FDXACB1: variants seen among roughly 807,000 people sequenced by gnomAD.
FDXACB1 encodes the protein ferredoxin-fold anticodon-binding domain-containing protein 1.
Under a neutral mutation model 51.7 loss-of-function variants are expected in FDXACB1, and 41 were observed. The observed-to-expected ratio is 0.79, with a 90% confidence interval of 0.62 to 1.03. The LOEUF (loss-of-function observed/expected upper bound fraction) is 1.03, where lower values mean the gene tolerates loss of function less well. FDXACB1 is among the 50% of genes least tolerant of loss of function. FDXACB1 has a pLI of 0.00. For missense variants in FDXACB1, 697 were observed against 746.4 expected (o/e 0.93, Z 0.77); for synonymous variants, 273 against 278.6 (o/e 0.98, Z 0.20).
In FDXACB1 at chr11:111,874,578, G is replaced by A. The variant is rs186364603; in HGVS notation, c.*344C>T. 515 of 179,396 alleles carry A rather than the reference G, an allele frequency of 2.9e-3. 5 individuals are homozygous for A. Among genetic ancestry groups the A allele is most frequent in the African/African-American group, 0.014 (461 of 33,692 alleles). 11.1% of individuals were successfully genotyped at this position (179,396 alleles called of 1,614,324 possible). On this transcript the variant is annotated 3_prime_UTR_variant, in exon 5 of 5. Transcript: ENST00000260257. ...ATCCTGGCTAACACGGTGAAACCTC[G>A]TCTCTACTAAAAATACAAAAAAAAA...
chr11:111,877,900 A>ACTGG (rs1964852431), intron 2 of FDXACB1, among the ~76,000 whole-genome samples: 1 of 150,010 alleles, frequency 6.7e-6, no homozygotes, highest in South Asian at 2.2e-4. Flanking sequence ...TAAAATAACA[A>ACTGG]CTGTTGGCCG....
At chr11:111,877,642 A>ACTGGGTACAGTCCC (rs1555162390) in intron 2 of FDXACB1, among the ~76,000 whole-genome samples, 2 of 149,238 alleles carry the variant, frequency 1.3e-5, no homozygotes, top group Non-Finnish European at 3.0e-5. Flanking sequence ...TCAGCCTCCC[A>ACTGGGTACAGTCCC]AGTACCTGGG....
chr11:111,874,779 A>AT lies in FDXACB1; in HGVS notation c.*142_*143insA. On this transcript the variant is annotated 3_prime_UTR_variant, in exon 5 of 5. Coordinates refer to ENST00000260257, the MANE Select transcript of FDXACB1 (RefSeq NM_138378.3). ...CCGTCTCAAAAAAAAAAAAAAAAAA[A>AT]GATCAACGAACAGTAGCTATGGTCA... 5 of 700,934 alleles carry AT rather than the reference A, an allele frequency of 7.1e-6. No homozygotes were observed. The highest frequency in any genetic ancestry group is 9.2e-6 in the Non-Finnish European group (4 of 436,836). The allele number at this position is 700,934 out of a possible 1,614,324, so 43.4% of individuals were successfully genotyped here.
intron 4 of FDXACB1, 73 bp from the exon 5 acceptor site, chr11:111,876,177 A>C (rs1380705628): frequency 8.2e-7 from 1 of 1,226,802 alleles, no homozygotes; most frequent in Non-Finnish European, 1.1e-6. Flanking sequence ...TAGAATTAAA[A>C]ATACAAATAG....
At position 111,877,026 on chromosome 11, in the gene FDXACB1, A is replaced by G; in HGVS notation, c.330-15T>C. Reference sequence around the variant, plus strand: ...CGTCTGCACAGCTAATAGGGAGAAAAGAAACACTAACTAATTATCATAAAC... The same window carrying G: ...CGTCTGCACAGCTAATAGGGAGAAAGGAAACACTAACTAATTATCATAAAC... On this transcript the variant is annotated splice_polypyrimidine_tract_variant and intron_variant, in intron 2 of 4. Transcript: ENST00000260257. 1 of 1,558,900 alleles carries G rather than the reference A, an allele frequency of 6.4e-7. No individual in the cohort carries two copies.
intron 2 of FDXACB1, among the ~76,000 whole-genome samples, chr11:111,877,425 G>A (rs962740519): frequency 3.3e-5 from 5 of 151,858 alleles, no homozygotes; most frequent in Admixed American, 1.3e-4. Flanking sequence ...ATGCCCCATC[G>A]GACACCTCCA....
chr11:111,877,753 G>A (rs1346139724), intron 2 of FDXACB1, among the ~76,000 whole-genome samples: 2 of 151,628 alleles, frequency 1.3e-5, no homozygotes, highest in African/African-American at 4.8e-5. Context: ...CTGACCTCAG[G>A]TGATCTGCTC....
Position 111,874,271 on chromosome 11 carries a change from T to C in FDXACB1, c.*651A>G, listed in dbSNP as rs1964759431. Reference sequence around the variant, plus strand: ...AGAGTAATTGACAGTGTGGAAAACATATTTATATTTGATGAGACACTTAAG... The same window carrying C: ...AGAGTAATTGACAGTGTGGAAAACACATTTATATTTGATGAGACACTTAAG... On this transcript the variant is annotated 3_prime_UTR_variant, in exon 5 of 5. Coordinates refer to ENST00000260257, the MANE Select transcript of FDXACB1 (RefSeq NM_138378.3). 6.6e-6 allele frequency: 1 copy of C among 152,188 alleles called. No homozygotes were observed. The highest frequency in any genetic ancestry group is 2.4e-5 in the African/African-American group (1 of 41,438). The allele number at this position is 152,188 out of a possible 1,614,324, so 9.4% of individuals were successfully genotyped here. A position where few individuals can be genotyped will look rare whatever the true frequency, so the allele number is the denominator to read the frequency against.
Position 111,877,119 on chromosome 11 carries a change from C to A in FDXACB1, c.330-108G>T, listed in dbSNP as rs528555620. ...GCCTGTGAAATAATTAAAATCCAATCATACCTATGTGCAAAAATCTATTAG... is the reference window on the plus strand; with the variant it reads ...GCCTGTGAAATAATTAAAATCCAATAATACCTATGTGCAAAAATCTATTAG... On this transcript the variant is annotated intron_variant, in intron 2 of 4. Transcript: ENST00000260257. 105 of 1,131,486 alleles carry A rather than the reference C, an allele frequency of 9.3e-5. 1 individual carries two copies. The East Asian group carries it at 1.8e-3, about 20-fold the overall frequency. 70.1% of individuals were successfully genotyped at this position (1,131,486 alleles called of 1,614,324 possible).
intron 1 of FDXACB1, 86 bp from the exon 2 acceptor site, chr11:111,878,798 G>C (rs1964879563): frequency 1.3e-6 from 2 of 1,519,406 alleles, no homozygotes; most frequent in South Asian, 1.3e-5. Context: ...AACTTAAACC[G>C]TGCAGACCAG....
At chr11:111,878,739 A>C (rs781908384) in intron 1 of FDXACB1, 27 bp from the exon 2 acceptor site, 1 of 1,600,900 alleles carries the variant, frequency 6.2e-7, no homozygotes, top group Admixed American at 1.7e-5. Flanking sequence ...GGGGGCGCAA[A>C]ATATAGACAG....
intron 2 of FDXACB1, 89 bp downstream of exon 2, chr11:111,878,467 T>C (rs1964869032): frequency 7.2e-7 from 1 of 1,379,510 alleles, no homozygotes; most frequent in Non-Finnish European, 9.8e-7. Flanking sequence ...CATATCATAG[T>C]AGCTTGCACG....
At chr11:111,876,731 AGTCT>A (rs1242709470) in intron 3 of FDXACB1, 73 bp downstream of exon 3, 64 of 1,589,058 alleles carry the variant, frequency 4.0e-5, no homozygotes, top group African/African-American at 1.1e-4. Context: ...GGGCCTATTG[AGTCT>A]GTCTATGAGA....
Position 111,876,863 on chromosome 11 carries a change from C to G in FDXACB1, c.478G>C (p.Asp160His). The G allele has an allele frequency of 6.2e-7, 1 of 1,613,836 alleles. No homozygotes were observed. Among genetic ancestry groups the G allele is most frequent in the Non-Finnish European group, 8.5e-7 (1 of 1,179,810 alleles). ...GCCTTACAGCTGAATGGATACACGT[C>G]GCTTAAAATGAGCCCCCCCAGGGCT... ...MAALGGLILS[D>H]VYPFSCKAVA... is the part of the protein sequence containing the mutation. The change falls in exon 3 of 5, where the codon GAC becomes CAC. Residue 160 changes from aspartate to histidine, a missense_variant. By Grantham distance (81) the Asp-to-His change is moderately conservative. Transcript: ENST00000260257.
chr11:111,878,878 G>T (rs147915959), intron 1 of FDXACB1, 83 bp downstream of exon 1: 44 of 1,536,816 alleles, frequency 2.9e-5, no homozygotes, highest in Non-Finnish European at 3.8e-5. Context: ...CTCCACGTGG[G>T]TTACATCCCC....
Position 111,877,012 on chromosome 11 carries a change from C to T in FDXACB1, c.330-1G>A. On this transcript the variant is annotated splice_acceptor_variant, in intron 2 of 4. Transcript: ENST00000260257. LOFTEE classifies it high-confidence loss of function. ...TTCCTCTGCAAGAACGTCTGCACAG[C>T]TAATAGGGAGAAAAGAAACACTAAC... 6.4e-7 allele frequency: 1 copy of T among 1,571,908 alleles called. No individual in the cohort carries two copies. The highest frequency in any genetic ancestry group is 1.2e-5 in the South Asian group (1 of 85,944).
chr11:111,878,845 T>G, intron 1 of FDXACB1, 116 bp downstream of exon 1: 2 of 1,516,848 alleles, frequency 1.3e-6, no homozygotes, highest in Non-Finnish European at 1.8e-6. Context: ...TATGTGAATA[T>G]CCGTGGGACG....
rs1347634340 is a variant in FDXACB1, at chr11:111,874,210, G to T, written c.*712C>A. The T allele has an allele frequency of 2.0e-5, 3 of 152,110 alleles. No individual in the cohort carries two copies. The highest frequency in any genetic ancestry group is 7.2e-5 in the African/African-American group (3 of 41,404). 9.4% of individuals were successfully genotyped at this position (152,110 alleles called of 1,614,324 possible). A position where few individuals can be genotyped will look rare whatever the true frequency, so the allele number is the denominator to read the frequency against. The stretch of plus-strand genomic sequence containing the variant: ...CTGATGCCAAAAACTACTCTCATAA[G>T]GTGATTTAATGAAATGATACAACAA... On this transcript the variant is annotated 3_prime_UTR_variant, in exon 5 of 5. Coordinates refer to ENST00000260257, the MANE Select transcript of FDXACB1 (RefSeq NM_138378.3).
In FDXACB1 at chr11:111,876,191, G is replaced by C. The variant is rs1338881525; in HGVS notation, c.693-87C>G. Reference sequence around the variant, plus strand: ...CTAGAATTAAAAATACAAATAGCTGGACAGAAAAGAATTATCTTTAAATTG... The same window carrying C: ...CTAGAATTAAAAATACAAATAGCTGCACAGAAAAGAATTATCTTTAAATTG... On this transcript the variant is annotated intron_variant, in intron 4 of 4. Transcript: ENST00000260257. 9 of 1,129,040 alleles carry C rather than the reference G, an allele frequency of 8.0e-6. No individual in the cohort carries two copies. In the East Asian group the frequency reaches 2.3e-4, roughly 28 times the overall value. The allele number at this position is 1,129,040 out of a possible 1,614,324, so 69.9% of individuals were successfully genotyped here.
Sources: allele counts gnomAD v4.1 joint callset (sites outside exome capture counted in the v4.1 genomes callset), GRCh38; gene constraint gnomAD v4.1.1; transcripts MANE v1.5; gene names NCBI Gene and HGNC (gene_info 2026-07-23, HGNC 2026-07-21).